Variants in LINGO2 observed in about 807,000 individuals in gnomAD.
LINGO2 encodes leucine-rich repeat and immunoglobulin-like domain-containing nogo receptor-interacting protein 2.
Under a neutral mutation model 30.6 loss-of-function variants are expected in LINGO2, and 14 were observed. The ratio of observed to expected loss-of-function variants is 0.46; its 90% CI spans 0.30 to 0.72. LINGO2 has a LOEUF of 0.72. Among genes scored for constraint, LINGO2 ranks in the 30% least tolerant of loss-of-function variants. The pLI is 0.07. For synonymous variants in LINGO2, 317 were observed against 288.5 expected (o/e 1.10, Z -1.00); for missense variants, 729 against 751.7 (o/e 0.97, Z 0.35).
At chr9:28,592,501 C>T (rs1292934580) in intron 1 of LINGO2, among the ~76,000 whole-genome samples, 2 of 152,000 alleles carry the variant, frequency 1.3e-5, no homozygotes, top group Admixed American at 6.6e-5. Flanking sequence ...TGTGTTGTAG[C>T]GAGATGGCTG....
chr9:29,165,325 A>C, the LINGO2 span, among the ~76,000 whole-genome samples: 4 of 152,092 alleles, frequency 2.6e-5, no homozygotes, highest in Non-Finnish European at 5.9e-5. Flanking sequence ...GAGAATAATG[A>C]CTCAAAGCAC....
the LINGO2 span, among the ~76,000 whole-genome samples, chr9:28,850,807 C>T: frequency 4.6e-5 from 7 of 151,916 alleles, no homozygotes; most frequent in African/African-American, 1.7e-4. Context: ...TAGGAGCATC[C>T]AATGAGTCTC....
chr9:28,246,974 G>A (rs1822024916), intron 4 of LINGO2, among the ~76,000 whole-genome samples: 1 of 152,076 alleles, frequency 6.6e-6, no homozygotes, highest in African/African-American at 2.4e-5. Flanking sequence ...CTTTAAAGAA[G>A]AAATTTAGGT....
chr9:28,315,263 G>A (rs1267262566), intron 3 of LINGO2, among the ~76,000 whole-genome samples: 3 of 151,852 alleles, frequency 2.0e-5, no homozygotes, highest in South Asian at 2.1e-4. Context: ...AATTTAGCCC[G>A]ACGAGGTGGC....
At chr9:28,716,333 T>C in the LINGO2 span, among the ~76,000 whole-genome samples, 1 of 150,956 alleles carries the variant, frequency 6.6e-6, no homozygotes, top group African/African-American at 2.4e-5. Context: ...AGGGATGGAG[T>C]ATGTGAAAGA....
intron 5 of LINGO2, among the ~76,000 whole-genome samples, chr9:27,986,443 A>C (rs1821128299): frequency 6.6e-6 from 1 of 151,810 alleles, no homozygotes; most frequent in Admixed American, 6.6e-5. Context: ...TACAGTAGTG[A>C]ATTTAGTACT....
intron 4 of LINGO2, among the ~76,000 whole-genome samples, chr9:28,024,678 C>T (rs1052859876): frequency 5.3e-5 from 8 of 152,106 alleles, no homozygotes; most frequent in Admixed American, 1.3e-4. Flanking sequence ...ACATTTGTAA[C>T]CAACAAGTGA....
At chr9:28,813,423 T>A in the LINGO2 span, among the ~76,000 whole-genome samples, 1 of 152,232 alleles carries the variant, frequency 6.6e-6, no homozygotes, top group South Asian at 2.1e-4. Flanking sequence ...TCTCCATAGC[T>A]TATTGTACTG....
At chr9:28,795,363 A>G in the LINGO2 span, among the ~76,000 whole-genome samples, 1 of 152,174 alleles carries the variant, frequency 6.6e-6, no homozygotes, top group Non-Finnish European at 1.5e-5. Context: ...CTTGTATTAT[A>G]AAGGACAAAA....
In LINGO2 at chr9:28,487,433, T is replaced by G. The variant is rs76183017; in HGVS notation, c.-364-11408A>C. On this transcript the variant is annotated intron_variant, in intron 1 of 5. Coordinates refer to ENST00000379992, the Ensembl canonical transcript of LINGO2. ...TGTTTTAGAAACAACTAAATAGAGT[T>G]TGGGTCATATGCATAACAATTCTTA... Among the ~76,000 whole-genome samples the G allele has an allele frequency of 9.5e-3, 1,444 of 152,230 alleles. 23 individuals carry two copies. The highest frequency in any genetic ancestry group is 0.033 in the African/African-American group (1,362 of 41,548).
At chr9:28,201,495 T>G (rs986112019) in intron 4 of LINGO2, among the ~76,000 whole-genome samples, 3 of 150,138 alleles carry the variant, frequency 2.0e-5, no homozygotes, top group African/African-American at 7.4e-5. Context: ...GCATTTGGGT[T>G]GGTTCCAAGT....
intron 1 of LINGO2, among the ~76,000 whole-genome samples, chr9:28,497,306 C>A (rs923515164): frequency 6.6e-6 from 1 of 152,176 alleles, no homozygotes; most frequent in East Asian, 1.9e-4. Context: ...CAATCAGACA[C>A]AGATTTGGTC....
chr9:29,212,796 G>A, the LINGO2 span, among the ~76,000 whole-genome samples: 1 of 152,162 alleles, frequency 6.6e-6, no homozygotes, highest in African/African-American at 2.4e-5. Flanking sequence ...TGCCAGGCGG[G>A]TCGTGCGATC....
At chr9:28,482,179 G>C (rs1000113707) in intron 1 of LINGO2, among the ~76,000 whole-genome samples, 8 of 151,900 alleles carry the variant, frequency 5.3e-5, no homozygotes, top group African/African-American at 1.9e-4. Flanking sequence ...TCTAGTTCTA[G>C]ATCCCTGAGG....
the LINGO2 span, among the ~76,000 whole-genome samples, chr9:28,854,441 C>T: frequency 6.6e-6 from 1 of 151,912 alleles, no homozygotes; most frequent in African/African-American, 2.4e-5. Context: ...TGTGCTTGTG[C>T]TTTAATGTCT....
At chr9:28,578,042 G>T (rs1005532666) in intron 1 of LINGO2, among the ~76,000 whole-genome samples, 2 of 152,182 alleles carry the variant, frequency 1.3e-5, no homozygotes, top group African/African-American at 2.4e-5. Flanking sequence ...AGGCAATGGT[G>T]CAGGAAAGTA....
the LINGO2 span, chr9:27,938,472 G>T: frequency 6.6e-6 from 1 of 152,296 alleles, no homozygotes; most frequent in African/African-American, 2.4e-5. Context: ...AGATGGGGAT[G>T]CAGAGATGTT....
At chr9:29,175,860 T>C in the LINGO2 span, among the ~76,000 whole-genome samples, 1 of 152,160 alleles carries the variant, frequency 6.6e-6, no homozygotes, top group Non-Finnish European at 1.5e-5. Context: ...AGAGTAAATC[T>C]TTAAATTCTT....
intron 1 of LINGO2, among the ~76,000 whole-genome samples, chr9:28,666,237 T>A (rs1265599943): frequency 6.6e-6 from 1 of 152,058 alleles, no homozygotes; most frequent in Non-Finnish European, 1.5e-5. Flanking sequence ...AAAGCATGCA[T>A]AATTTTGGTA....
Sources: gnomAD v4.1 joint callset for allele counts (sites outside exome capture counted in the v4.1 genomes callset) on GRCh38, gnomAD v4.1.1 for gene constraint, MANE v1.5 for transcripts, NCBI Gene and HGNC (gene_info 2026-07-23, HGNC 2026-07-21) for gene names.